Variants in CRTC3 observed in about 807,000 individuals in gnomAD.
The protein encoded by CRTC3 is CREB regulated transcription coactivator 3.
A neutral mutation model predicts 74.5 loss-of-function variants in CRTC3; 26 were observed. The observed-to-expected ratio is 0.35, with a 90% CI of 0.26 to 0.48. The LOEUF (loss-of-function observed/expected upper bound fraction) is 0.48, where lower values mean the gene tolerates loss of function less well. Among genes scored for constraint, CRTC3 ranks in the 20% least tolerant of loss-of-function variants. The pLI, the probability that CRTC3 is intolerant of heterozygous loss-of-function variation, is 0.99. For synonymous variants in CRTC3, 377 were observed against 325.8 expected (o/e 1.16, Z -1.69); for missense variants, 760 against 787.3 (o/e 0.97, Z 0.41).
In CRTC3 at chr15:90,644,667, CATCGTACA is replaced by C; in HGVS notation, c.*2529_*2536del. 1 of 232,326 alleles carries C rather than the reference CATCGTACA, an allele frequency of 4.3e-6. No homozygotes were observed. Among genetic ancestry groups the C allele is most frequent in the East Asian group, 6.1e-5 (1 of 16,454 alleles). 14.4% of individuals were successfully genotyped at this position (232,326 alleles called of 1,614,324 possible). On this transcript the variant is annotated 3_prime_UTR_variant, in exon 15 of 15. Transcript: ENST00000268184. ...ATCTTTTCTTGTGAAAGGTTTTGGG[CATCGTACA>C]ACCCACTCTGCCTAGAAGGTGTGGA...
At chr15:90,627,318 T>G (rs1968873009) in intron 10 of CRTC3, among the ~76,000 whole-genome samples, 2 of 152,246 alleles carry the variant, frequency 1.3e-5, no homozygotes, top group African/African-American at 4.8e-5. Context: ...ATACATTTGC[T>G]TCATAGGAGA....
intron 2 of CRTC3, among the ~76,000 whole-genome samples, chr15:90,564,278 T>G (rs991568267): frequency 1.3e-5 from 2 of 152,242 alleles, no homozygotes. Flanking sequence ...AGTTGAAACC[T>G]GTTGAGGAAA....
At chr15:90,540,477 TTAAA>T (rs57385785) in intron 2 of CRTC3, among the ~76,000 whole-genome samples, 24,656 of 152,070 alleles carry the variant, frequency 0.16, 2,263 homozygotes, top group African/African-American at 0.24. Context: ...TTAATATTAC[TTAAA>T]TAAATGTTTG....
intron 2 of CRTC3, among the ~76,000 whole-genome samples, chr15:90,544,905 G>C (rs922698952): frequency 6.6e-6 from 1 of 152,168 alleles, no homozygotes; most frequent in African/African-American, 2.4e-5. Flanking sequence ...TAAATGTATA[G>C]TTCAGTGGTA....
intron 11 of CRTC3, chr15:90,634,924 T>A (rs1344000721): frequency 6.3e-7 from 1 of 1,577,654 alleles, no homozygotes; most frequent in Non-Finnish European, 8.6e-7. Context: ...AGCGTGAAAG[T>A]TGGAGATAAA....
intron 2 of CRTC3, among the ~76,000 whole-genome samples, chr15:90,551,691 A>G (rs1393473246): frequency 6.6e-6 from 1 of 152,152 alleles, no homozygotes; most frequent in Non-Finnish European, 1.5e-5. Context: ...TTTATCAGCC[A>G]ATCAGATTTC....
intron 2 of CRTC3, among the ~76,000 whole-genome samples, chr15:90,565,214 C>G (rs987455939): frequency 6.6e-6 from 1 of 152,190 alleles, no homozygotes; most frequent in African/African-American, 2.4e-5. Flanking sequence ...TCCCAAAGTA[C>G]TGGGATTACA....
intron 11 of CRTC3, among the ~76,000 whole-genome samples, chr15:90,633,654 G>A (rs1301894354): frequency 1.3e-5 from 2 of 152,054 alleles, no homozygotes; most frequent in South Asian, 2.1e-4. Flanking sequence ...CTTCATTTCT[G>A]GGAAATGTTC....
chr15:90,641,450 C>A (rs1969438356), intron 14 of CRTC3, among the ~76,000 whole-genome samples: 1 of 152,146 alleles, frequency 6.6e-6, no homozygotes, highest in Admixed American at 6.6e-5. Context: ...GTAATCCCAG[C>A]ACTTTGGGAG....
intron 2 of CRTC3, among the ~76,000 whole-genome samples, chr15:90,587,759 G>A (rs1394559141): frequency 6.6e-6 from 1 of 151,864 alleles, no homozygotes. Flanking sequence ...GACTACAAGC[G>A]TGAACCACCA....
chr15:90,548,890 G>A (rs1386955641), intron 2 of CRTC3, among the ~76,000 whole-genome samples: 1 of 152,132 alleles, frequency 6.6e-6, no homozygotes, highest in East Asian at 1.9e-4. Context: ...AGATAATAAA[G>A]AGTTACACCA....
In CRTC3 at chr15:90,625,947, C is replaced by T. The variant is rs753797994; in HGVS notation, c.921C>T (p.Asn307=). Residue 307 remains asparagine, a synonymous_variant, in exon 10 of 15, where the codon AAC becomes AAT. Transcript: ENST00000268184. ...FGSMSVGNSV[N]NIPAAMTHLG... Reference sequence around the variant, plus strand: ...GTATGAGTGTGGGGAATAGTGTGAACAACATCCCAGCTGCTATGACCCACC... The same window carrying T: ...GTATGAGTGTGGGGAATAGTGTGAATAACATCCCAGCTGCTATGACCCACC... 6.2e-7 allele frequency: 1 copy of T among 1,614,224 alleles called. No homozygotes were observed. The highest frequency in any genetic ancestry group is 8.5e-7 in the Non-Finnish European group (1 of 1,180,034).
At chr15:90,638,858 T>C (rs1382350858) in intron 13 of CRTC3, 43 bp downstream of exon 13, 4 of 1,497,028 alleles carry the variant, frequency 2.7e-6, no homozygotes, top group Admixed American at 1.7e-5. Context: ...GTGCATAAAC[T>C]GTACCATTTA....
intron 3 of CRTC3, chr15:90,600,621 CTTCAGCTAT>C (rs1968043831): frequency 6.6e-6 from 1 of 152,174 alleles, no homozygotes; most frequent in Non-Finnish European, 1.5e-5. Flanking sequence ...GCCTCAGTTT[CTTCAGCTAT>C]AAAATGGGGA....
intron 2 of CRTC3, among the ~76,000 whole-genome samples, chr15:90,556,957 G>GCTAT (rs1966901608): frequency 1.1e-5 from 1 of 89,680 alleles, no homozygotes; most frequent in Non-Finnish European, 2.0e-5. Context: ...TCACCACATG[G>GCTAT]CTATATATAT....
chr15:90,625,470 G>C (rs1395276280), intron 9 of CRTC3, among the ~76,000 whole-genome samples: 7 of 152,184 alleles, frequency 4.6e-5, no homozygotes. Context: ...AAATAGCAGT[G>C]CCTCACATTT....
At chr15:90,633,158 T>C (rs1157179263) in intron 11 of CRTC3, among the ~76,000 whole-genome samples, 2 of 152,226 alleles carry the variant, frequency 1.3e-5, no homozygotes, top group Admixed American at 6.5e-5. Flanking sequence ...TATAGTATAC[T>C]ATGAAACAAG....
At chr15:90,611,345 C>G (rs569378847) in intron 6 of CRTC3, among the ~76,000 whole-genome samples, 1 of 152,136 alleles carries the variant, frequency 6.6e-6, no homozygotes, top group Admixed American at 6.5e-5. Context: ...GACCGGCCCT[C>G]GGTGGCTCTG....
At chr15:90,553,175 G>A (rs1334148925) in intron 2 of CRTC3, among the ~76,000 whole-genome samples, 3 of 152,142 alleles carry the variant, frequency 2.0e-5, no homozygotes, top group African/African-American at 7.2e-5. Context: ...TTCAGAGATT[G>A]ACATTTTTCT....
Sources: gnomAD v4.1 joint callset for allele counts (sites outside exome capture counted in the v4.1 genomes callset) on GRCh38, gnomAD v4.1.1 for gene constraint, MANE v1.5 for transcripts, NCBI Gene and HGNC (gene_info 2026-07-23, HGNC 2026-07-21) for gene names.